The following CNTN4 variants were observed in gnomAD, a reference collection of about 807,000 sequenced individuals.
The protein encoded by CNTN4 is contactin-4.
A neutral mutation model predicts 122.5 loss-of-function variants in CNTN4; 77 were observed. That is an observed-to-expected ratio of 0.63 (90% CI 0.52 to 0.76). CNTN4 has a LOEUF of 0.76. Among genes scored for constraint, CNTN4 ranks in the 30% least tolerant of loss-of-function variants. CNTN4 has a pLI of 0.00. For missense variants in CNTN4, 1,256 were observed against 1,259.1 expected, an observed-to-expected ratio of 1.00 and a Z score of 0.04; for synonymous variants, 512 against 447.0, an observed-to-expected ratio of 1.15 and a Z score of -1.83.
At chr3:2,201,135 C>G (rs1559337386) in intron 2 of CNTN4, among the ~76,000 whole-genome samples, 1 of 151,984 alleles carries the variant, frequency 6.6e-6, no homozygotes, top group Non-Finnish European at 1.5e-5. Context: ...TCAAACACCC[C>G]ACGCTACACT....
chr3:2,602,157 G>A (rs1576175299), intron 4 of CNTN4, among the ~76,000 whole-genome samples: 1 of 152,234 alleles, frequency 6.6e-6, no homozygotes, highest in African/African-American at 2.4e-5. Context: ...GCAAAAACTG[G>A]AAGCATTCCC....
intron 7 of CNTN4, among the ~76,000 whole-genome samples, chr3:2,831,740 A>G: frequency 6.6e-6 from 1 of 152,220 alleles, no homozygotes; most frequent in East Asian, 1.9e-4. Context: ...TGCAGTTGAT[A>G]ACGTAGCATT....
At chr3:2,704,623 C>T (rs950592962) in intron 4 of CNTN4, among the ~76,000 whole-genome samples, 4 of 152,134 alleles carry the variant, frequency 2.6e-5, no homozygotes, top group African/African-American at 9.7e-5. Context: ...GCATCAGAAT[C>T]ACCTGCAGGA....
chr3:2,940,637 A>G (rs6783236), intron 13 of CNTN4, among the ~76,000 whole-genome samples: 112,861 of 152,012 alleles, frequency 0.74, 42,522 homozygotes, highest in African/African-American at 0.85. Flanking sequence ...GAGAGAGCAG[A>G]AGAATGGACT....
At chr3:2,870,352 G>A (rs765505774) in intron 8 of CNTN4, among the ~76,000 whole-genome samples, 2 of 152,138 alleles carry the variant, frequency 1.3e-5, no homozygotes, top group Non-Finnish European at 2.9e-5. Flanking sequence ...CATGAGTGTT[G>A]CATGGTGAAA....
intron 3 of CNTN4, among the ~76,000 whole-genome samples, chr3:2,429,969 C>G (rs1019188752): frequency 6.6e-6 from 1 of 152,170 alleles, no homozygotes; most frequent in South Asian, 2.1e-4. Context: ...CCATCTGTCA[C>G]GGCTTCCCTT....
chr3:3,040,754 C>T (rs1271974381), intron 20 of CNTN4, among the ~76,000 whole-genome samples: 1 of 151,994 alleles, frequency 6.6e-6, no homozygotes, highest in Admixed American at 6.6e-5. Flanking sequence ...ATGGAGAAAA[C>T]CCATCTCTAC....
At chr3:2,708,790 A>AT (rs1177886779) in intron 4 of CNTN4, among the ~76,000 whole-genome samples, 5 of 151,858 alleles carry the variant, frequency 3.3e-5, no homozygotes, top group African/African-American at 1.2e-4. Flanking sequence ...AAATGATAGG[A>AT]TTTTTTCCTA....
chr3:2,123,700 G>A (rs4552334), intron 2 of CNTN4, among the ~76,000 whole-genome samples: 10,663 of 152,096 alleles, frequency 0.07, 532 homozygotes, highest in East Asian at 0.23. Context: ...TTATTATAGG[G>A]GATTCCTTTA....
intron 3 of CNTN4, among the ~76,000 whole-genome samples, chr3:2,494,378 G>A (rs924101674): frequency 2.0e-5 from 3 of 152,182 alleles, no homozygotes; most frequent in African/African-American, 7.2e-5. Flanking sequence ...GTAATGGGTA[G>A]ATTTAAAGAT....
chr3:3,038,996 C>T lies in CNTN4; in HGVS notation c.2156C>T (p.Thr719Ile), dbSNP rs779064227. The part of the protein sequence containing the change: ...GGGSKSELVI[T>I]WETVPEELQN... ...GGCAGCAAATCTGAACTGGTTATAA[C>T]CTGGGAGGTAAATGAATCACAGAAT... The change falls in exon 19 of 25, where the codon ACC becomes ATC. Residue 719 changes from threonine to isoleucine, a missense_variant. Coordinates refer to ENST00000418658, the MANE Select transcript of CNTN4 (RefSeq NM_175607.3). 3.7e-6 allele frequency: 6 copies of T among 1,613,140 alleles called. No individual in the cohort carries two copies. In the Admixed American group the frequency reaches 1.0e-4, roughly 27 times the overall value.
chr3:2,559,511 A>T (rs777117870), intron 3 of CNTN4, among the ~76,000 whole-genome samples: 7 of 152,152 alleles, frequency 4.6e-5, no homozygotes, highest in Non-Finnish European at 1.0e-4. Context: ...AGTTATTGTA[A>T]GCATTTGGTA....
rs1020217121 is a variant in CNTN4 at position 2,328,489 on chromosome 3, C to T, written c.-144-10689C>T. 1.3e-5 allele frequency among the ~76,000 whole-genome samples: 2 copies of T among 152,162 alleles called. 1 individual carries two copies. The highest frequency in any genetic ancestry group is 1.3e-4 in the Admixed American group (2 of 15,286). On this transcript the variant is annotated intron_variant, in intron 2 of 24. Transcript: ENST00000418658. The stretch of plus-strand genomic sequence containing the variant: ...ATAATCTCGCATCATGTAAAACTTA[C>T]GTTAAATTAATTGTATGCATTTCTC...
intron 6 of CNTN4, among the ~76,000 whole-genome samples, chr3:2,763,749 C>G (rs1012014882): frequency 2.0e-5 from 3 of 152,098 alleles, no homozygotes; most frequent in Non-Finnish European, 4.4e-5. Flanking sequence ...ATCCTTTCCC[C>G]GTTGTTTGGT....
intron 2 of CNTN4, among the ~76,000 whole-genome samples, chr3:2,149,968 T>A (rs1466801105): frequency 3.1e-5 from 1 of 32,374 alleles, no homozygotes; most frequent in Non-Finnish European, 6.8e-5. Flanking sequence ...TGGGCATAGC[T>A]TTTTTTTTTT....
At chr3:2,146,805 G>A (rs2035265541) in intron 2 of CNTN4, among the ~76,000 whole-genome samples, 1 of 152,066 alleles carries the variant, frequency 6.6e-6, no homozygotes, top group Non-Finnish European at 1.5e-5. Flanking sequence ...GTAAAGCCTG[G>A]TACCTAGTAG....
chr3:2,148,597 G>C (rs372160968), intron 2 of CNTN4, among the ~76,000 whole-genome samples: 3 of 152,048 alleles, frequency 2.0e-5, no homozygotes, highest in Non-Finnish European at 1.5e-5. Flanking sequence ...CTAACTTCTG[G>C]TTTTAAATAT....
intron 2 of CNTN4, among the ~76,000 whole-genome samples, chr3:2,229,923 A>C (rs989374362): frequency 1.3e-5 from 2 of 152,138 alleles, no homozygotes; most frequent in African/African-American, 4.8e-5. Context: ...GCGTACTCCA[A>C]ATGTTTGATG....
chr3:2,711,690 A>C (rs1465680030), intron 4 of CNTN4, among the ~76,000 whole-genome samples: 1 of 152,218 alleles, frequency 6.6e-6, no homozygotes, highest in East Asian at 1.9e-4. Context: ...TCACCTCTTT[A>C]TAAGCAAGGA....
Sources: gnomAD v4.1 joint callset for allele counts (sites outside exome capture counted in the v4.1 genomes callset) on GRCh38, gnomAD v4.1.1 for gene constraint, MANE v1.5 for transcripts, NCBI Gene and HGNC (gene_info 2026-07-23, HGNC 2026-07-21) for gene names.